Variants in CBLN2 observed in about 807,000 individuals in gnomAD.
CBLN2 encodes the protein cerebellin-2.
Under a neutral mutation model 15.0 loss-of-function variants are expected in CBLN2, and 7 were observed. The ratio of observed to expected loss-of-function variants is 0.47; its 90% CI spans 0.27 to 0.88. CBLN2 has a LOEUF of 0.88. Among genes scored for constraint, CBLN2 ranks in the 40% least tolerant of loss-of-function variants. The pLI is 0.14. For missense variants in CBLN2, 242 were observed against 304.5 expected (o/e 0.79, Z 1.53); for synonymous variants, 149 against 135.2 (o/e 1.10, Z -0.71).
Position 72,577,317 on chromosome 18 carries a change from A to T in CBLN2, c.16-38545T>A, listed in dbSNP as rs563514838. On this transcript the variant is annotated intron_variant, in intron 1 of 2. Transcript: ENST00000581073. Reference sequence around the variant, plus strand: ...CAAATTAGTTTTATAATTATTTTTTAAAAAGCACATTTTAAAACGAATAGA... The same window carrying T: ...CAAATTAGTTTTATAATTATTTTTTTAAAAGCACATTTTAAAACGAATAGA... Among the ~76,000 whole-genome samples the T allele has an allele frequency of 1.6e-3, 243 of 152,150 alleles. 1 individual carries two copies. The highest frequency in any genetic ancestry group is 5.5e-3 in the African/African-American group (229 of 41,536).
chr18:72,538,728 T>C lies in CBLN2; in HGVS notation c.402A>G (p.Ile134Met). The change falls in exon 4 of 5, where the codon ATA becomes ATG. Residue 134 changes from isoleucine (I) to methionine (M), a missense_variant. Ile to Met is a conservative substitution (Grantham distance 10). This residue lies in a region of CBLN2 where 89 missense variants were observed against 114.2 expected (regional missense o/e 0.78). Transcript: ENST00000269503. ...AAATCCCTTTTCTCGGTGCTACAAA[T>C]ATACTGGAAGCAAGATCAAAGTGGT... ...IGNHFDLASS[I>M]FVAPRKGIYS... The C allele has an allele frequency of 6.2e-7, 1 of 1,613,936 alleles. No homozygotes were observed. Among genetic ancestry groups the C allele is most frequent in the East Asian group, 2.2e-5 (1 of 44,870 alleles).
intron 1 of CBLN2, among the ~76,000 whole-genome samples, chr18:72,632,487 G>A (rs185697999): frequency 6.6e-6 from 1 of 152,240 alleles, no homozygotes; most frequent in East Asian, 1.9e-4. Context: ...TTAATCATCT[G>A]TGATTATGTT....
At chr18:72,596,486 G>A (rs1426845002) in intron 1 of CBLN2, among the ~76,000 whole-genome samples, 1 of 151,998 alleles carries the variant, frequency 6.6e-6, no homozygotes, top group Non-Finnish European at 1.5e-5. Flanking sequence ...AATATTCTGT[G>A]TTTTCTGTGT....
At chr18:72,618,007 G>T (rs1481333107) in intron 1 of CBLN2, among the ~76,000 whole-genome samples, 2 of 152,124 alleles carry the variant, frequency 1.3e-5, no homozygotes, top group African/African-American at 4.8e-5. Context: ...GGGAATTTTG[G>T]CTGTTATGGT....
intron 1 of CBLN2, among the ~76,000 whole-genome samples, chr18:72,613,861 C>T (rs140379906): frequency 1.4e-4 from 22 of 152,264 alleles, no homozygotes; most frequent in Non-Finnish European, 2.4e-4. Context: ...TACACCGTTG[C>T]CTTTCAAATT....
intron 1 of CBLN2, among the ~76,000 whole-genome samples, chr18:72,578,993 GCTGTCCTA>G (rs1412754663): frequency 1.3e-5 from 2 of 152,164 alleles, no homozygotes; most frequent in South Asian, 4.1e-4. Flanking sequence ...CTGAGATGGA[GCTGTCCTA>G]CTGTCACCAA....
chr18:72,620,865 G>C (rs1290760768), intron 1 of CBLN2, among the ~76,000 whole-genome samples: 6 of 152,022 alleles, frequency 3.9e-5, no homozygotes, highest in Admixed American at 3.9e-4. Context: ...CCACCCAGAT[G>C]GCCCCAGTCA....
chr18:72,541,631 A>G lies in CBLN2; in HGVS notation c.357+173T>C, dbSNP rs191804817. ...TTTTTAAAAAGCCAAAATGTGGAAA[A>G]GGGAAAGAGTAGGAGTGCGTTCTAT... On this transcript the variant is annotated intron_variant, in intron 3 of 4. Transcript: ENST00000269503. 7.1e-4 allele frequency among the ~76,000 whole-genome samples: 108 copies of G among 152,356 alleles called. No homozygotes were observed. The East Asian group carries it at 9.1e-3, about 13-fold the overall frequency.
intron 1 of CBLN2, among the ~76,000 whole-genome samples, chr18:72,604,351 T>C (rs2144946391): frequency 6.6e-6 from 1 of 152,334 alleles, no homozygotes; most frequent in South Asian, 2.1e-4. Flanking sequence ...GGGTTTAGAT[T>C]CTCCAGTATT....
intron 1 of CBLN2, among the ~76,000 whole-genome samples, chr18:72,566,890 T>G (rs888633676): frequency 6.6e-6 from 1 of 152,088 alleles, no homozygotes; most frequent in Non-Finnish European, 1.5e-5. Flanking sequence ...TGGAGTGCAA[T>G]CACAGCACAC....
At chr18:72,604,966 A>G (rs1166815298) in intron 1 of CBLN2, among the ~76,000 whole-genome samples, 1 of 152,248 alleles carries the variant, frequency 6.6e-6, no homozygotes, top group Non-Finnish European at 1.5e-5. Context: ...CAAGTATAAA[A>G]TACTATTCCT....
intron 1 of CBLN2, among the ~76,000 whole-genome samples, chr18:72,637,054 A>AG (rs1446284306): frequency 2.0e-5 from 3 of 150,184 alleles, no homozygotes; most frequent in Admixed American, 6.7e-5. Flanking sequence ...AAAAAAAAAA[A>AG]ACCCAGTTGC....
intron 1 of CBLN2, among the ~76,000 whole-genome samples, chr18:72,555,826 G>A (rs565561493): frequency 1.2e-4 from 19 of 152,280 alleles, no homozygotes; most frequent in Admixed American, 1.2e-3. Context: ...TACAGAGAAA[G>A]TCAGTAATTC....
chr18:72,615,222 G>A (rs1422183878), intron 1 of CBLN2, among the ~76,000 whole-genome samples: 4 of 129,182 alleles, frequency 3.1e-5, no homozygotes, highest in East Asian at 4.2e-4. Flanking sequence ...GTATATATAT[G>A]TACATATATA....
intron 1 of CBLN2, among the ~76,000 whole-genome samples, chr18:72,555,305 A>G (rs1011416833): frequency 9.2e-5 from 14 of 152,100 alleles, no homozygotes; most frequent in Non-Finnish European, 1.5e-4. Flanking sequence ...TCTACTTTCA[A>G]TATGTGTTCA....
At chr18:72,626,140 G>T (rs562010616) in intron 1 of CBLN2, among the ~76,000 whole-genome samples, 2 of 151,856 alleles carry the variant, frequency 1.3e-5, no homozygotes, top group Non-Finnish European at 2.9e-5. Context: ...TCTCCCGTTC[G>T]GCAAACATTT....
At chr18:72,613,243 TGAA>T (rs1437684495) in intron 1 of CBLN2, among the ~76,000 whole-genome samples, 14 of 152,192 alleles carry the variant, frequency 9.2e-5, no homozygotes, top group Admixed American at 6.5e-5. Flanking sequence ...CTTTAACTTA[TGAA>T]TTTAAGGGGG....
At chr18:72,560,859 A>G (rs2069255733) in intron 1 of CBLN2, among the ~76,000 whole-genome samples, 1 of 152,068 alleles carries the variant, frequency 6.6e-6, no homozygotes, top group Non-Finnish European at 1.5e-5. Context: ...AATACAAAAA[A>G]TTAGCCGGGA....
intron 1 of CBLN2, chr18:72,618,347 T>C (rs868026371): frequency 8.4e-6 from 4 of 477,550 alleles, no homozygotes; most frequent in Middle Eastern, 6.4e-4. Flanking sequence ...AAACAACCAA[T>C]GAGAGCCTGA....
Sources: gnomAD v4.1 joint callset for allele counts (sites outside exome capture counted in the v4.1 genomes callset) on GRCh38, gnomAD v4.1.1 for gene constraint, gnomAD v4.1.1 regional missense constraint, MANE v1.5 for transcripts, NCBI Gene and HGNC (gene_info 2026-07-23, HGNC 2026-07-21) for gene names.